Variants in ARHGAP35 observed in about 807,000 individuals in gnomAD.
The protein encoded by ARHGAP35 is Rho GTPase activating protein 35, also known as rho GTPase-activating protein 35.
In ARHGAP35, 15 loss-of-function variants were observed where a neutral mutation model predicts 111.1. That is an observed-to-expected ratio of 0.13 (90% CI 0.09 to 0.21). The LOEUF (loss-of-function observed/expected upper bound fraction) is 0.21. ARHGAP35 is among the 10% of genes least tolerant of loss of function. The pLI, the probability that ARHGAP35 is intolerant of heterozygous loss-of-function variation, is 1.00. For missense variants in ARHGAP35, 1,262 were observed against 1,873.0 expected (o/e 0.67, Z 6.02); for synonymous variants, 643 against 710.3 (o/e 0.91, Z 1.51).
chr19:46,974,118 C>T (rs2056567377), intron 3 of ARHGAP35, among the ~76,000 whole-genome samples: 1 of 152,206 alleles, frequency 6.6e-6, no homozygotes, highest in South Asian at 2.1e-4. Context: ...CCTCAGCTTC[C>T]CAAGTAGCTG....
At chr19:46,984,640 G>A (rs1330027895) in intron 3 of ARHGAP35, among the ~76,000 whole-genome samples, 1 of 152,192 alleles carries the variant, frequency 6.6e-6, no homozygotes, top group Non-Finnish European at 1.5e-5. Context: ...CAGCAGCAGG[G>A]TTGCTATTTT....
chr19:46,984,610 C>T (rs574476324), intron 3 of ARHGAP35, among the ~76,000 whole-genome samples: 18 of 152,280 alleles, frequency 1.2e-4, no homozygotes, highest in East Asian at 9.6e-4. Context: ...TCCTAAATTA[C>T]GCCGTGGTAT....
chr19:46,896,845 T>C (rs1236813266), intron 1 of ARHGAP35, among the ~76,000 whole-genome samples: 1 of 152,190 alleles, frequency 6.6e-6, no homozygotes, highest in African/African-American at 2.4e-5. Flanking sequence ...GAAGTAATAA[T>C]GGACCAGCTA....
chr19:46,942,424 G>C (rs931757206), intron 3 of ARHGAP35, among the ~76,000 whole-genome samples: 1 of 152,060 alleles, frequency 6.6e-6, no homozygotes, highest in Non-Finnish European at 1.5e-5. Context: ...CTTGATGTCA[G>C]GAGTTCCAGA....
chr19:46,884,736 G>A (rs2055984590), intron 1 of ARHGAP35, among the ~76,000 whole-genome samples: 3 of 151,616 alleles, frequency 2.0e-5, no homozygotes, highest in Admixed American at 1.3e-4. Context: ...ATTCCCCCGC[G>A]TAGGCCTCCC....
At chr19:46,862,469 A>G (rs1013470301) in intron 1 of ARHGAP35, among the ~76,000 whole-genome samples, 1 of 151,668 alleles carries the variant, frequency 6.6e-6, no homozygotes, top group African/African-American at 2.4e-5. Context: ...GCCCTTAGAC[A>G]TGCCCTTTAA....
At chr19:46,873,066 A>G (rs924935100) in intron 1 of ARHGAP35, among the ~76,000 whole-genome samples, 47 of 152,160 alleles carry the variant, frequency 3.1e-4, no homozygotes, top group African/African-American at 1.1e-3. Flanking sequence ...CCAAGGCCAC[A>G]TGGCTAGTAG....
chr19:46,947,376 G>A (rs2056385967), intron 3 of ARHGAP35: 1 of 152,206 alleles, frequency 6.6e-6, no homozygotes. Context: ...AGGACCCAGT[G>A]TTGGTGAGGA....
intron 3 of ARHGAP35, among the ~76,000 whole-genome samples, chr19:46,952,643 G>A (rs1392361156): frequency 6.6e-6 from 1 of 152,130 alleles, no homozygotes; most frequent in East Asian, 1.9e-4. Context: ...CACCTTATTA[G>A]GACTATGAGG....
intron 3 of ARHGAP35, among the ~76,000 whole-genome samples, chr19:46,985,380 T>C (rs60746988): frequency 0.24 from 36,086 of 152,140 alleles, 4,504 homozygotes; most frequent in Non-Finnish European, 0.28. Flanking sequence ...TGCTGTGGTC[T>C]GTACCCCAGC....
chr19:46,927,474 A>G (rs2056245115), intron 2 of ARHGAP35, among the ~76,000 whole-genome samples: 1 of 152,216 alleles, frequency 6.6e-6, no homozygotes, highest in Non-Finnish European at 1.5e-5. Context: ...TGAGGCAGAC[A>G]AAGTCAGTGA....
At chr19:46,867,185 G>T (rs569707458) in intron 1 of ARHGAP35, among the ~76,000 whole-genome samples, 76 of 152,338 alleles carry the variant, frequency 5.0e-4, no homozygotes, top group Non-Finnish European at 8.7e-4. Flanking sequence ...TTACAGGAAA[G>T]TAATATTTAT....
Position 47,001,774 on chromosome 19 carries a change from G to A in ARHGAP35, c.*1086G>A, listed in dbSNP as rs577255313. 12 of 231,094 alleles carry A rather than the reference G, an allele frequency of 5.2e-5. No individual in the cohort carries two copies. Among genetic ancestry groups the A allele is most frequent in the South Asian group, 3.0e-4 (5 of 16,616 alleles). The allele number at this position is 231,094 out of a possible 1,614,324, so 14.3% of individuals were successfully genotyped here. A position where few individuals can be genotyped will look rare whatever the true frequency, so the allele number is the denominator to read the frequency against. ...CATGTGAGTGTGAGTGTGTGTGGGCGCTTGGTGGGGGGTTGGGGACAGCTG... is the reference window on the plus strand; with the variant it reads ...CATGTGAGTGTGAGTGTGTGTGGGCACTTGGTGGGGGGTTGGGGACAGCTG... On this transcript the variant is annotated 3_prime_UTR_variant, in exon 7 of 7. Coordinates refer to ENST00000672722, the MANE Select transcript of ARHGAP35 (RefSeq NM_004491.5). This position sits in a 1 kb window ranked among gnomAD's most constrained non-coding sequence, Gnocchi z 5.4.
intron 3 of ARHGAP35, among the ~76,000 whole-genome samples, chr19:46,987,749 A>G (rs2056658901): frequency 6.6e-6 from 1 of 152,226 alleles, no homozygotes; most frequent in African/African-American, 2.4e-5. Flanking sequence ...CTGTGCTTCT[A>G]TAGTCTTTCC....
intron 3 of ARHGAP35, chr19:46,946,818 C>G (rs995336339): frequency 6.6e-6 from 1 of 152,190 alleles, no homozygotes; most frequent in Non-Finnish European, 1.5e-5. Flanking sequence ...TGACCTCAAG[C>G]GATCCTCCCT....
At chr19:46,956,560 C>T (rs1236076051) in intron 3 of ARHGAP35, among the ~76,000 whole-genome samples, 1 of 152,064 alleles carries the variant, frequency 6.6e-6, no homozygotes, top group Non-Finnish European at 1.5e-5. Context: ...GCTGGGATTA[C>T]AGGCGTGAGC....
At chr19:46,959,457 G>A (rs1269529974) in intron 3 of ARHGAP35, among the ~76,000 whole-genome samples, 1 of 151,736 alleles carries the variant, frequency 6.6e-6, no homozygotes, top group African/African-American at 2.4e-5. Flanking sequence ...GGAGTGCAAT[G>A]ACAGGATCTC....
intron 3 of ARHGAP35, among the ~76,000 whole-genome samples, chr19:46,949,380 T>C (rs945633094): frequency 6.6e-6 from 1 of 152,154 alleles, no homozygotes; most frequent in African/African-American, 2.4e-5. Flanking sequence ...AAGATCTGGG[T>C]ATTACCACCT....
intron 1 of ARHGAP35, among the ~76,000 whole-genome samples, chr19:46,886,469 C>T (rs894673205): frequency 6.6e-6 from 1 of 151,308 alleles, no homozygotes; most frequent in Non-Finnish European, 1.5e-5. Flanking sequence ...TAAATGCTTT[C>T]ACTAGCTGAA....
Sources: gnomAD v4.1 joint callset for allele counts (sites outside exome capture counted in the v4.1 genomes callset) on GRCh38, gnomAD v4.1.1 for gene constraint, Gnocchi (gnomAD v3.1) non-coding constraint, MANE v1.5 for transcripts, NCBI Gene and HGNC (gene_info 2026-07-23, HGNC 2026-07-21) for gene names.